The following HIVEP3 variants were observed in gnomAD, a reference collection of about 807,000 sequenced individuals.
HIVEP3 encodes HIVEP zinc finger 3.
A neutral mutation model predicts 152.8 loss-of-function variants in HIVEP3; 49 were observed. That is an observed-to-expected ratio of 0.32 (90% CI 0.26 to 0.41). HIVEP3 has a LOEUF of 0.41. Ranked by LOEUF, HIVEP3 falls within the 10% of genes least tolerant of loss-of-function variation. HIVEP3 has a pLI of 1.00. For synonymous variants in HIVEP3, 1,269 were observed against 1,289.0 expected, an observed-to-expected ratio of 0.98 and a Z score of 0.33; for missense variants, 2,790 against 3,103.3, an observed-to-expected ratio of 0.90 and a Z score of 2.40.
chr1:41,641,977 G>A (rs764936967), intron 2 of HIVEP3, among the ~76,000 whole-genome samples: 3 of 152,196 alleles, frequency 2.0e-5, no homozygotes, highest in Admixed American at 6.5e-5. Flanking sequence ...TGACAGTGGC[G>A]CCTACCTGGC....
At chr1:41,897,621 G>A (rs1382104456) in intron 1 of HIVEP3, among the ~76,000 whole-genome samples, 3 of 152,138 alleles carry the variant, frequency 2.0e-5, no homozygotes, top group Non-Finnish European at 4.4e-5. Flanking sequence ...AGCAGGAACA[G>A]CGTAAGACAG....
intron 2 of HIVEP3, among the ~76,000 whole-genome samples, chr1:41,700,417 C>G (rs918208556): frequency 3.3e-5 from 5 of 152,162 alleles, no homozygotes; most frequent in African/African-American, 1.2e-4. Flanking sequence ...AAGGTGAACA[C>G]ACAGCTCAGT....
chr1:41,541,743 T>C (rs1262557536), intron 5 of HIVEP3, among the ~76,000 whole-genome samples: 1 of 152,226 alleles, frequency 6.6e-6, no homozygotes, highest in African/African-American at 2.4e-5. Flanking sequence ...TGTGTGACCT[T>C]GGGCAGGTTA....
At chr1:41,808,370 T>C (rs961937292) in intron 1 of HIVEP3, among the ~76,000 whole-genome samples, 1 of 152,232 alleles carries the variant, frequency 6.6e-6, no homozygotes, top group Non-Finnish European at 1.5e-5. Context: ...CAGGGCTGTG[T>C]CCTCTCCTCC....
chr1:41,789,673 A>G (rs1649572348), intron 1 of HIVEP3, among the ~76,000 whole-genome samples: 1 of 152,218 alleles, frequency 6.6e-6, no homozygotes, highest in Non-Finnish European at 1.5e-5. Flanking sequence ...TGTGTCATGA[A>G]TTGCCAAGAT....
intron 1 of HIVEP3, among the ~76,000 whole-genome samples, chr1:41,814,422 A>G (rs1263662811): frequency 6.6e-6 from 1 of 152,198 alleles, no homozygotes; most frequent in Non-Finnish European, 1.5e-5. Flanking sequence ...GTATGTTCCC[A>G]TTCCACATAT....
chr1:41,975,386 C>T lies in HIVEP3; in HGVS notation n.120-56862G>A, dbSNP rs112728983. Among the ~76,000 whole-genome samples, 759 of 152,288 alleles carry T rather than the reference C, an allele frequency of 5.0e-3. 8 individuals carry two copies. Among genetic ancestry groups the T allele is most frequent in the African/African-American group, 0.018 (738 of 41,552 alleles). On this transcript the variant is annotated intron_variant and non_coding_transcript_variant, in intron 1 of 3. Coordinates refer to the HIVEP3 transcript ENST00000489103. ...AATGAATTTGTCCAAATCACTCCCC[C>T]ACAGTAAGAATGCAGCAGGAATGCC...
chr1:41,885,248 T>G (rs1416428659), intron 1 of HIVEP3, among the ~76,000 whole-genome samples: 2 of 152,226 alleles, frequency 1.3e-5, no homozygotes, highest in Admixed American at 6.5e-5. Context: ...CTCATTCATG[T>G]GAGCTTTCCG....
chr1:41,803,612 A>G (rs1471278083), intron 1 of HIVEP3, among the ~76,000 whole-genome samples: 7 of 152,204 alleles, frequency 4.6e-5, no homozygotes, highest in Admixed American at 4.6e-4. Flanking sequence ...ACTGGGCCAC[A>G]TGGTCCAAGA....
intron 5 of HIVEP3, among the ~76,000 whole-genome samples, chr1:41,530,722 T>C (rs955349522): frequency 1.3e-5 from 2 of 152,248 alleles, no homozygotes; most frequent in African/African-American, 4.8e-5. Context: ...TGACGTCTAC[T>C]GGGCCTGTGT....
chr1:41,859,097 C>A (rs961762847), intron 1 of HIVEP3, among the ~76,000 whole-genome samples: 1 of 152,176 alleles, frequency 6.6e-6, no homozygotes, highest in African/African-American at 2.4e-5. Flanking sequence ...AAGAGTAAAT[C>A]TATGAAACAT....
At chr1:41,897,215 G>C (rs1644543716) in intron 1 of HIVEP3, among the ~76,000 whole-genome samples, 1 of 152,172 alleles carries the variant, frequency 6.6e-6, no homozygotes. Flanking sequence ...CAGAGGTAAG[G>C]GGGGATTCTG....
At chr1:41,676,285 C>T (rs1338442437) in intron 2 of HIVEP3, among the ~76,000 whole-genome samples, 2 of 152,170 alleles carry the variant, frequency 1.3e-5, no homozygotes, top group Admixed American at 6.5e-5. Context: ...CTCCTGACCT[C>T]GTGATCCATC....
chr1:41,808,569 G>A (rs1377486945), intron 1 of HIVEP3, among the ~76,000 whole-genome samples: 5 of 152,184 alleles, frequency 3.3e-5, no homozygotes, highest in Non-Finnish European at 7.3e-5. Context: ...TATTCCAGGC[G>A]GCCAGGCCAT....
Position 41,513,496 on chromosome 1 carries a change from C to T in HIVEP3, c.5725G>A (p.Gly1909Ser). 6.2e-7 allele frequency: 1 copy of T among 1,608,716 alleles called. No individual in the cohort carries two copies. The highest frequency in any genetic ancestry group is 1.1e-5 in the South Asian group (1 of 90,764). The change falls in exon 8 of 9, where the codon GGC (glycine) becomes AGC (serine). Residue 1909 changes from glycine (G) to serine (S), a missense_variant. Around this residue, in one of 9 missense-constraint regions of HIVEP3, gnomAD observed 816 missense variants for 806.5 expected, o/e 1.01. Coordinates refer to ENST00000372583, the MANE Select transcript of HIVEP3 (RefSeq NM_024503.5). ...GPQPPDAPAS[G>S]TEATRGSSVS... The stretch of plus-strand genomic sequence containing the variant: ...GAGCTGCCTCGTGTAGCCTCCGTGC[C>T]AGAGGCGGGGGCATCTGGGGGCTGA...
chr1:41,526,644 C>CA (rs143513765), intron 5 of HIVEP3, among the ~76,000 whole-genome samples: 10 of 47,980 alleles, frequency 2.1e-4, no homozygotes, highest in East Asian at 7.8e-4. Context: ...CACCCTCACA[C>CA]CCCCACACTC....
intron 1 of HIVEP3, among the ~76,000 whole-genome samples, chr1:41,867,625 C>G (rs1644002277): frequency 6.6e-6 from 1 of 152,196 alleles, no homozygotes. Context: ...GATTCTGTCT[C>G]CCTCGTGCTT....
chr1:41,532,196 AAGGACGGGGAGATGG>A (rs1643280359), intron 5 of HIVEP3, among the ~76,000 whole-genome samples: 2 of 133,570 alleles, frequency 1.5e-5, no homozygotes, highest in Non-Finnish European at 3.2e-5. Flanking sequence ...AAGAGAGATG[AAGGACGGGGAGATGG>A]AGGACAGGAG....
intron 1 of HIVEP3, among the ~76,000 whole-genome samples, chr1:41,786,058 GA>G (rs1232897606): frequency 6.6e-6 from 1 of 152,070 alleles, no homozygotes; most frequent in Non-Finnish European, 1.5e-5. Flanking sequence ...TGTAGTGAGG[GA>G]AAAAAAGACA....
Sources: gnomAD v4.1 joint callset for allele counts (sites outside exome capture counted in the v4.1 genomes callset) on GRCh38, gnomAD v4.1.1 for gene constraint, gnomAD v4.1.1 regional missense constraint, MANE v1.5 for transcripts, NCBI Gene and HGNC (gene_info 2026-07-23, HGNC 2026-07-21) for gene names.